Variants in SLIT3 observed in about 807,000 individuals in gnomAD.
The protein encoded by SLIT3 is slit homolog 3 protein.
SLIT3 carries 68 observed loss-of-function variants against 184.0 expected under a neutral mutation model. The ratio of observed to expected loss-of-function variants is 0.37; its 90% CI spans 0.30 to 0.45. The LOEUF is 0.45. Among genes scored for constraint, SLIT3 ranks in the 20% least tolerant of loss-of-function variants. The pLI, the probability that SLIT3 is intolerant of heterozygous loss-of-function variation, is 1.00. For synonymous variants in SLIT3, 831 were observed against 828.6 expected, an observed-to-expected ratio of 1.00 and a Z score of -0.05; for missense variants, 1,707 against 2,026.0, an observed-to-expected ratio of 0.84 and a Z score of 3.02.
intron 4 of SLIT3, among the ~76,000 whole-genome samples, chr5:169,021,419 C>T (rs532410073): frequency 1.4e-4 from 21 of 152,134 alleles, no homozygotes; most frequent in Non-Finnish European, 2.8e-4. Context: ...GATATGATCT[C>T]GGCTCACTGC....
intron 4 of SLIT3, among the ~76,000 whole-genome samples, chr5:168,901,161 C>T (rs1336724850): frequency 1.6e-4 from 24 of 152,096 alleles, no homozygotes; most frequent in Admixed American, 1.6e-3. Flanking sequence ...AGGAGATAGT[C>T]CATCCTGGCT....
chr5:168,851,381 C>T (rs1405161394), intron 5 of SLIT3, among the ~76,000 whole-genome samples: 1 of 149,590 alleles, frequency 6.7e-6, no homozygotes, highest in Non-Finnish European at 1.5e-5. Flanking sequence ...TTAATTTTGG[C>T]GAGTTTAAAT....
intron 4 of SLIT3, among the ~76,000 whole-genome samples, chr5:169,139,973 GGGGCGGGC>G (rs1481152989): frequency 1.1e-4 from 16 of 152,276 alleles, no homozygotes; most frequent in Admixed American, 9.2e-4. Flanking sequence ...TCAGTAGGGA[GGGGCGGGC>G]TGGCCTGCTG....
At chr5:168,780,495 C>G (rs755294833) in intron 12 of SLIT3, among the ~76,000 whole-genome samples, 18 of 152,256 alleles carry the variant, frequency 1.2e-4, no homozygotes, top group Non-Finnish European at 5.9e-5. Flanking sequence ...TGGCATAACC[C>G]TTTCTCTAGC....
At chr5:169,193,027 A>G (rs1307382437) in intron 4 of SLIT3, among the ~76,000 whole-genome samples, 1 of 152,160 alleles carries the variant, frequency 6.6e-6, no homozygotes, top group Non-Finnish European at 1.5e-5. Context: ...CTAGACTGGC[A>G]GCGCTAGGAA....
At chr5:168,935,948 A>C (rs1762145546) in intron 4 of SLIT3, among the ~76,000 whole-genome samples, 1 of 152,244 alleles carries the variant, frequency 6.6e-6, no homozygotes, top group African/African-American at 2.4e-5. Flanking sequence ...GGCAACTGAA[A>C]AAATGCATCA....
intron 4 of SLIT3, among the ~76,000 whole-genome samples, chr5:169,057,618 A>G (rs546586803): frequency 6.6e-6 from 1 of 152,336 alleles, no homozygotes; most frequent in African/African-American, 2.4e-5. Flanking sequence ...AGAAAGGGAT[A>G]TGCTGGGGTC....
intron 4 of SLIT3, among the ~76,000 whole-genome samples, chr5:168,937,029 G>A (rs960783537): frequency 6.6e-6 from 1 of 152,146 alleles, no homozygotes; most frequent in Non-Finnish European, 1.5e-5. Context: ...GGGCAAGGAT[G>A]CAATCAGAAA....
rs1308792682 is a variant in SLIT3, at chr5:168,753,850, C to A, written c.1829+14G>T. On this transcript the variant is annotated intron_variant, in intron 17 of 35. Coordinates refer to ENST00000519560, the MANE Select transcript of SLIT3 (RefSeq NM_003062.4). ...CCTCTGGGTCTTGGCCCAGGCCCCA[C>A]CCCAGGCACTCACAAGGTTTTGAGG... is the stretch of plus-strand genomic sequence containing the variant. 3 of 1,608,488 alleles carry A rather than the reference C, an allele frequency of 1.9e-6. No homozygotes were observed. The African/African-American group carries it at 4.0e-5, about 21-fold the overall frequency.
chr5:169,131,615 C>G (rs572847452), intron 4 of SLIT3, among the ~76,000 whole-genome samples: 1 of 152,246 alleles, frequency 6.6e-6, no homozygotes, highest in African/African-American at 2.4e-5. Flanking sequence ...GATCATGCAC[C>G]AACTTAGAAA....
At chr5:168,930,540 T>C (rs984817779) in intron 4 of SLIT3, among the ~76,000 whole-genome samples, 13 of 152,058 alleles carry the variant, frequency 8.5e-5, no homozygotes, top group African/African-American at 2.9e-4. Flanking sequence ...AGATAGTAAT[T>C]GCTCCTACTG....
At chr5:169,142,049 CA>C (rs1200908102) in intron 4 of SLIT3, among the ~76,000 whole-genome samples, 8 of 106,664 alleles carry the variant, frequency 7.5e-5, no homozygotes, top group East Asian at 2.6e-4. Context: ...GACTCCTACT[CA>C]AAAAAAAAAT....
intron 4 of SLIT3, 50 bp downstream of exon 4, chr5:169,193,429 C>T (rs1763626555): frequency 6.6e-7 from 1 of 1,516,818 alleles, no homozygotes; most frequent in Non-Finnish European, 9.2e-7. Context: ...CTCCACATCA[C>T]CCAAGCCAGG....
chr5:169,250,424 T>C (rs2113592537), intron 2 of SLIT3, among the ~76,000 whole-genome samples: 1 of 152,340 alleles, frequency 6.6e-6, no homozygotes, highest in East Asian at 1.9e-4. Flanking sequence ...TTCCCTATAC[T>C]GCAGATGAGA....
intron 18 of SLIT3, among the ~76,000 whole-genome samples, chr5:168,750,922 T>C (rs1754674036): frequency 1.3e-5 from 2 of 152,016 alleles, no homozygotes; most frequent in East Asian, 1.9e-4. Context: ...AATGACACAG[T>C]ATGTTAGGAC....
chr5:168,842,180 A>G (rs1387603887), intron 6 of SLIT3, among the ~76,000 whole-genome samples: 1 of 152,216 alleles, frequency 6.6e-6, no homozygotes, highest in Non-Finnish European at 1.5e-5. Context: ...AGAATGGCTC[A>G]CCATTAAGAT....
intron 4 of SLIT3, among the ~76,000 whole-genome samples, chr5:169,131,138 T>C (rs541201565): frequency 6.4e-4 from 97 of 152,338 alleles, no homozygotes; most frequent in Non-Finnish European, 9.8e-4. Flanking sequence ...AGCTCACCCA[T>C]TGGCTGCATT....
chr5:168,990,198 C>T (rs1313962045), intron 4 of SLIT3, among the ~76,000 whole-genome samples: 1 of 152,172 alleles, frequency 6.6e-6, no homozygotes, highest in African/African-American at 2.4e-5. Flanking sequence ...GCAATTGCAG[C>T]CTTGCAAAGC....
At chr5:169,230,336 G>A (rs912550453) in intron 3 of SLIT3, among the ~76,000 whole-genome samples, 1 of 152,106 alleles carries the variant, frequency 6.6e-6, no homozygotes, top group Non-Finnish European at 1.5e-5. Context: ...TTCATGCTCT[G>A]AATCTCTGCA....
Sources: gnomAD v4.1 joint callset for allele counts (sites outside exome capture counted in the v4.1 genomes callset) on GRCh38, gnomAD v4.1.1 for gene constraint, MANE v1.5 for transcripts, NCBI Gene and HGNC (gene_info 2026-07-23, HGNC 2026-07-21) for gene names.